The following HDAC9 variants were observed in gnomAD, a reference collection of about 807,000 sequenced individuals.
HDAC9 encodes histone deacetylase 9.
In HDAC9, 41 loss-of-function variants were observed where a neutral mutation model predicts 139.4. The ratio of observed to expected loss-of-function variants is 0.29; its 90% CI spans 0.23 to 0.38. The LOEUF is 0.38. HDAC9 is among the 10% of genes least tolerant of loss of function. HDAC9 has a pLI of 1.00. For synonymous variants in HDAC9, 517 were observed against 476.2 expected, an observed-to-expected ratio of 1.09 and a Z score of -1.12; for missense variants, 1,147 against 1,297.0, an observed-to-expected ratio of 0.88 and a Z score of 1.78.
intron 1 of HDAC9, among the ~76,000 whole-genome samples, chr7:18,103,701 A>G (rs80014964): frequency 9.9e-4 from 151 of 152,362 alleles, no homozygotes; most frequent in African/African-American, 3.4e-3. Flanking sequence ...AATGACGTAC[A>G]AGGAAACCAC....
At chr7:18,672,200 A>G (rs1279252273) in intron 12 of HDAC9, among the ~76,000 whole-genome samples, 1 of 152,008 alleles carries the variant, frequency 6.6e-6, no homozygotes, top group African/African-American at 2.4e-5. Flanking sequence ...GTTCCTCCAC[A>G]TCTTCTCCAT....
intron 2 of HDAC9, among the ~76,000 whole-genome samples, chr7:18,194,444 A>G (rs1182694591): frequency 6.6e-6 from 1 of 152,150 alleles, no homozygotes; most frequent in Non-Finnish European, 1.5e-5. Context: ...AGTGGCATTA[A>G]GTACATTCAC....
intron 21 of HDAC9, among the ~76,000 whole-genome samples, chr7:18,845,460 C>CT (rs1324836760): frequency 2.6e-5 from 4 of 152,078 alleles, no homozygotes; most frequent in African/African-American, 9.7e-5. Context: ...TGTATTGTTC[C>CT]TTATAAAATA....
At chr7:18,660,795 G>T (rs1425029892) in intron 11 of HDAC9, among the ~76,000 whole-genome samples, 1 of 152,042 alleles carries the variant, frequency 6.6e-6, no homozygotes, top group African/African-American at 2.4e-5. Context: ...TTATTCACGG[G>T]GCAACCAGAG....
At chr7:18,763,560 T>C (rs976984808) in intron 15 of HDAC9, among the ~76,000 whole-genome samples, 1 of 152,182 alleles carries the variant, frequency 6.6e-6, no homozygotes, top group African/African-American at 2.4e-5. Flanking sequence ...ATTTTTTCCT[T>C]TCTATTTTAG....
At chr7:18,452,999 T>TC (rs1222881630) in intron 1 of HDAC9, among the ~76,000 whole-genome samples, 3 of 152,296 alleles carry the variant, frequency 2.0e-5, no homozygotes, top group African/African-American at 7.2e-5. Flanking sequence ...TACCTTTTTT[T>TC]CCCAATGTAA....
chr7:18,371,422 GTA>G (rs1263230955), intron 1 of HDAC9, among the ~76,000 whole-genome samples: 1 of 152,130 alleles, frequency 6.6e-6, no homozygotes, highest in Non-Finnish European at 1.5e-5. Context: ...TTAACTAAAT[GTA>G]TGCCTTGGCT....
In HDAC9 at chr7:18,226,722, G is replaced by A. The variant is rs1275806120; in HGVS notation, c.25+64373G>A. ...GGTGGGTTTGGGCAAGAAGAAAGAT[G>A]TCTTAACACATCTGTGGAATTTACA... On this transcript the variant is annotated intron_variant, in intron 2 of 12. Transcript: ENST00000417496. 2.6e-5 allele frequency among the ~76,000 whole-genome samples: 4 copies of A among 152,188 alleles called. No homozygotes were observed. The South Asian group carries it at 8.3e-4, about 31-fold the overall frequency.
intron 1 of HDAC9, among the ~76,000 whole-genome samples, chr7:18,424,232 C>T (rs567314521): frequency 6.6e-6 from 1 of 152,268 alleles, no homozygotes; most frequent in East Asian, 1.9e-4. Context: ...AAAACATCCC[C>T]TTCACCAGTG....
chr7:18,715,808 A>G (rs778257182), intron 12 of HDAC9, among the ~76,000 whole-genome samples: 2 of 152,126 alleles, frequency 1.3e-5, no homozygotes, highest in Non-Finnish European at 2.9e-5. Flanking sequence ...TCGTAATATT[A>G]TTTTTTAAAT....
At chr7:18,864,929 T>G (rs1438444880) in intron 21 of HDAC9, among the ~76,000 whole-genome samples, 1 of 152,212 alleles carries the variant, frequency 6.6e-6, no homozygotes, top group Non-Finnish European at 1.5e-5. Context: ...TTAATGTACA[T>G]TTTACCACAA....
chr7:18,162,065 T>C (rs1479970887), intron 1 of HDAC9, among the ~76,000 whole-genome samples: 1 of 152,200 alleles, frequency 6.6e-6, no homozygotes, highest in East Asian at 1.9e-4. Flanking sequence ...ATTTGCTCTT[T>C]TTTAGATGAA....
At chr7:18,651,300 T>TG (rs1451713315) in intron 11 of HDAC9, among the ~76,000 whole-genome samples, 2 of 152,192 alleles carry the variant, frequency 1.3e-5, no homozygotes, top group African/African-American at 4.8e-5. Context: ...ACTGAAGCGA[T>TG]GGTCCTTACT....
intron 24 of HDAC9, among the ~76,000 whole-genome samples, chr7:18,964,912 A>G (rs1362396002): frequency 6.6e-6 from 1 of 152,240 alleles, no homozygotes; most frequent in Non-Finnish European, 1.5e-5. Context: ...AAGCCTAACC[A>G]TATCACTGAG....
chr7:18,586,067 T>C (rs1264388370), intron 3 of HDAC9, among the ~76,000 whole-genome samples: 2 of 152,192 alleles, frequency 1.3e-5, no homozygotes, highest in African/African-American at 4.8e-5. Context: ...GAGTTATAAA[T>C]GGAGAAACTG....
chr7:18,863,516 C>T (rs190157225), intron 21 of HDAC9, among the ~76,000 whole-genome samples: 130 of 152,254 alleles, frequency 8.5e-4, no homozygotes, highest in African/African-American at 3.0e-3. Context: ...GGCAATTCTT[C>T]GTCTTCTAAT....
intron 1 of HDAC9, chr7:18,430,455 T>A (rs1790538542): frequency 6.6e-6 from 1 of 152,246 alleles, no homozygotes; most frequent in African/African-American, 2.4e-5. Flanking sequence ...AACTCCTGGC[T>A]TCAAGTGATT....
At chr7:18,972,157 T>G (rs1784278730) in intron 24 of HDAC9, among the ~76,000 whole-genome samples, 1 of 152,184 alleles carries the variant, frequency 6.6e-6, no homozygotes, top group Non-Finnish European at 1.5e-5. Context: ...AAATTTATTG[T>G]AACATCCAAG....
intron 2 of HDAC9, among the ~76,000 whole-genome samples, chr7:18,172,205 C>T (rs1788505536): frequency 6.6e-6 from 1 of 152,102 alleles, no homozygotes; most frequent in East Asian, 1.9e-4. Context: ...TTATCCATTT[C>T]TTTTAGATTT....
Sources: allele counts gnomAD v4.1 joint callset (sites outside exome capture counted in the v4.1 genomes callset), GRCh38; gene constraint gnomAD v4.1.1; transcripts MANE v1.5; gene names NCBI Gene and HGNC (gene_info 2026-07-23, HGNC 2026-07-21).